Variants in CBLB observed in about 807,000 individuals in gnomAD.
The protein encoded by CBLB is Cbl proto-oncogene B.
Under a neutral mutation model 104.9 loss-of-function variants are expected in CBLB, and 31 were observed. The observed-to-expected ratio is 0.30, with a 90% CI of 0.22 to 0.40. The LOEUF (loss-of-function observed/expected upper bound fraction) is 0.40. Ranked by LOEUF, CBLB falls within the 10% of genes least tolerant of loss-of-function variation. The probability of loss-of-function intolerance (pLI) is 1.00; values close to 1 mark genes in which losing one functional copy is unlikely to be tolerated. For missense variants in CBLB, 1,062 were observed against 1,214.6 expected (o/e 0.87, Z 1.87); for synonymous variants, 440 against 422.6 (o/e 1.04, Z -0.51).
Position 105,823,848 on chromosome 3 carries a change from T to C in CBLB, c.419+29566A>G, listed in dbSNP as rs114058061. 7.0e-3 allele frequency among the ~76,000 whole-genome samples: 1,071 copies of C among 152,220 alleles called. 11 individuals are homozygous for C. The highest frequency in any genetic ancestry group is 0.025 in the African/African-American group (1,027 of 41,528). ...ACCAGGGTACAAAGCACCTACATGG[T>C]TCTCTTGAGCTTCCATTCTTATAAT... On this transcript the variant is annotated intron_variant, in intron 3 of 18. Transcript: ENST00000394030.
At chr3:105,759,950 T>G (rs895544897) in intron 4 of CBLB, among the ~76,000 whole-genome samples, 1 of 152,222 alleles carries the variant, frequency 6.6e-6, no homozygotes, top group Admixed American at 6.5e-5. Context: ...CCACTCCAGA[T>G]GGGCAGCTGG....
chr3:105,673,424 T>C (rs557545034), intron 17 of CBLB: 1 of 152,266 alleles, frequency 6.6e-6, no homozygotes, highest in East Asian at 1.9e-4. Flanking sequence ...TCCAAATTTT[T>C]ACCAAGTGTA....
intron 6 of CBLB, among the ~76,000 whole-genome samples, chr3:105,744,603 A>C (rs2075924279): frequency 6.6e-6 from 1 of 152,158 alleles, no homozygotes; most frequent in Non-Finnish European, 1.5e-5. Context: ...ATGGCAGAGA[A>C]GAAAAAATCA....
intron 3 of CBLB, among the ~76,000 whole-genome samples, chr3:105,804,534 T>C (rs538605889): frequency 6.7e-6 from 1 of 149,710 alleles, no homozygotes; most frequent in Non-Finnish European, 1.5e-5. Flanking sequence ...AAAAAAAAAA[T>C]GTAAAATATC....
intron 3 of CBLB, among the ~76,000 whole-genome samples, chr3:105,788,737 C>T (rs999168120): frequency 1.3e-5 from 2 of 152,198 alleles, no homozygotes; most frequent in African/African-American, 2.4e-5. Context: ...CTCTTCCCAA[C>T]ACAGGGGAGT....
chr3:105,844,706 C>T (rs2090012695), intron 3 of CBLB, among the ~76,000 whole-genome samples: 1 of 152,156 alleles, frequency 6.6e-6, no homozygotes, highest in Non-Finnish European at 1.5e-5. Context: ...AACAATCAGA[C>T]ATGAATACTA....
At chr3:105,815,763 C>T (rs1269939317) in intron 3 of CBLB, among the ~76,000 whole-genome samples, 3 of 152,160 alleles carry the variant, frequency 2.0e-5, no homozygotes, top group African/African-American at 7.2e-5. Flanking sequence ...TATTGCAGCA[C>T]TATTCACAAT....
chr3:105,805,919 G>A (rs575235029), intron 3 of CBLB, among the ~76,000 whole-genome samples: 2 of 102,876 alleles, frequency 1.9e-5, no homozygotes, highest in Non-Finnish European at 3.9e-5. Flanking sequence ...AAGAGAGGGA[G>A]GGAGAAAAGG....
chr3:105,720,352 A>C lies in CBLB; in HGVS notation c.1204-102T>G. 2.7e-6 allele frequency: 3 copies of C among 1,101,338 alleles called. No individual in the cohort carries two copies. In the Admixed American group the frequency reaches 6.1e-5, roughly 23 times the overall value. 68.2% of individuals were successfully genotyped at this position (1,101,338 alleles called of 1,614,324 possible). A position where few individuals can be genotyped will look rare whatever the true frequency, so the allele number is the denominator to read the frequency against. On this transcript the variant is annotated intron_variant, in intron 9 of 18. Transcript: ENST00000394030. ...CTATAAAAGTCACACCCCCAAAAAGACTTTTTGGGGTAGGAGGTGGGGGAA... is the reference window on the plus strand; with the variant it reads ...CTATAAAAGTCACACCCCCAAAAAGCCTTTTTGGGGTAGGAGGTGGGGGAA...
At chr3:105,700,319 G>A (rs544141948) in intron 12 of CBLB, among the ~76,000 whole-genome samples, 2 of 151,436 alleles carry the variant, frequency 1.3e-5, no homozygotes, top group African/African-American at 4.8e-5. Context: ...CAATGAAATG[G>A]CTATAACAAC....
At chr3:105,841,748 C>T (rs1204662773) in intron 3 of CBLB, among the ~76,000 whole-genome samples, 1 of 152,084 alleles carries the variant, frequency 6.6e-6, no homozygotes, top group East Asian at 1.9e-4. Context: ...CCACCACGCC[C>T]AGCCCAGAAC....
chr3:105,734,950 C>T (rs1403692169), intron 8 of CBLB, among the ~76,000 whole-genome samples: 2 of 151,668 alleles, frequency 1.3e-5, no homozygotes, highest in Non-Finnish European at 2.9e-5. Context: ...GACAAAAATA[C>T]AAATAAATTG....
At chr3:105,861,434 A>G (rs2092076508) in intron 2 of CBLB, among the ~76,000 whole-genome samples, 1 of 152,098 alleles carries the variant, frequency 6.6e-6, no homozygotes, top group African/African-American at 2.4e-5. Flanking sequence ...TAAAATTTAC[A>G]AATTCCCTCA....
intron 3 of CBLB, among the ~76,000 whole-genome samples, chr3:105,791,865 A>G (rs1436876003): frequency 6.6e-6 from 1 of 152,194 alleles, no homozygotes; most frequent in Admixed American, 6.5e-5. Context: ...GATTTTATTA[A>G]TATCTATTTT....
At chr3:105,741,387 GT>G (rs1314798855) in intron 6 of CBLB, among the ~76,000 whole-genome samples, 2 of 150,610 alleles carry the variant, frequency 1.3e-5, no homozygotes, top group Non-Finnish European at 3.0e-5. Context: ...TTGTTATTTT[GT>G]TGTTGTTGTT....
In CBLB at chr3:105,815,973, T is replaced by C. The variant is rs935340059; in HGVS notation, c.419+37441A>G. Among the ~76,000 whole-genome samples, 4 of 152,124 alleles carry C rather than the reference T, an allele frequency of 2.6e-5. No individual in the cohort carries two copies. The East Asian group carries it at 7.7e-4, about 29-fold the overall frequency. ...GAAAAGCAAAAAACCAAATACCGCA[T>C]GTTCTCGCTCATAAGTGGGAGTTGA... On this transcript the variant is annotated intron_variant, in intron 3 of 18. Coordinates refer to ENST00000394030, the MANE Select transcript of CBLB (RefSeq NM_170662.5).
chr3:105,716,475 T>G (rs2071893507), intron 10 of CBLB, among the ~76,000 whole-genome samples: 3 of 152,240 alleles, frequency 2.0e-5, no homozygotes, highest in Middle Eastern at 3.4e-3. Flanking sequence ...GATATAGAAG[T>G]ACATATAAAA....
chr3:105,783,983 G>A (rs2080639957), intron 3 of CBLB, among the ~76,000 whole-genome samples: 1 of 152,098 alleles, frequency 6.6e-6, no homozygotes, highest in Non-Finnish European at 1.5e-5. Context: ...TTTTAACTTT[G>A]CATTAATGCT....
At chr3:105,842,192 T>G (rs146298539) in intron 3 of CBLB, among the ~76,000 whole-genome samples, 2 of 152,176 alleles carry the variant, frequency 1.3e-5, no homozygotes, top group African/African-American at 2.4e-5. Flanking sequence ...TACTGTCCTA[T>G]AGAAACTGAG....
Sources: allele counts gnomAD v4.1 joint callset (sites outside exome capture counted in the v4.1 genomes callset), GRCh38; gene constraint gnomAD v4.1.1; transcripts MANE v1.5; gene names NCBI Gene and HGNC (gene_info 2026-07-23, HGNC 2026-07-21).